MMS22L: variants seen among roughly 807,000 people sequenced by gnomAD.
MMS22L encodes the protein protein MMS22-like.
In MMS22L, 74 loss-of-function variants were observed where a neutral mutation model predicts 159.1. That is an observed-to-expected ratio of 0.47 (90% confidence interval 0.39 to 0.56). The LOEUF (loss-of-function observed/expected upper bound fraction) is 0.56. Among genes scored for constraint, MMS22L ranks in the 20% least tolerant of loss-of-function variants. The pLI is 0.00. For missense variants in MMS22L, 1,351 were observed against 1,422.1 expected, an observed-to-expected ratio of 0.95 and a Z score of 0.80; for synonymous variants, 517 against 506.9, an observed-to-expected ratio of 1.02 and a Z score of -0.27.
intron 14 of MMS22L, among the ~76,000 whole-genome samples, chr6:97,219,263 T>C (rs1163119016): frequency 6.6e-6 from 1 of 152,162 alleles, no homozygotes; most frequent in Non-Finnish European, 1.5e-5. Context: ...ATGAAGCTTC[T>C]TGACATGAAT....
chr6:97,257,677 T>C (rs1010479548), intron 9 of MMS22L, among the ~76,000 whole-genome samples: 3 of 152,122 alleles, frequency 2.0e-5, no homozygotes, highest in African/African-American at 7.2e-5. Context: ...TCCTCTCACC[T>C]AGGACTCCCA....
At position 97,186,542 on chromosome 6, in the gene MMS22L, T is replaced by A. The variant is rs1805251368; in HGVS notation, c.2188A>T (p.Met730Leu). The A allele has an allele frequency of 6.2e-7, 1 of 1,613,126 alleles. No individual in the cohort carries two copies. Among genetic ancestry groups the A allele is most frequent in the Non-Finnish European group, 8.5e-7 (1 of 1,179,654 alleles). Residue 730 changes from methionine (M) to leucine (L), a missense_variant, in exon 15 of 25, where the codon ATG (methionine) becomes TTG (leucine). Met to Leu is a conservative substitution (Grantham distance 15). Coordinates refer to ENST00000683635, the MANE Select transcript of MMS22L (RefSeq NM_001350599.2). ...TGTGAGAAAGGCACTACCTGTGACA[T>A]TCTCTGACTCTTCAAAAATGAAAAG... ...HFFSFLKSQR[M>L]SQVVPFSQLA...
intron 1 of MMS22L, among the ~76,000 whole-genome samples, 200 bp from the exon 2 acceptor site, chr6:97,282,753 C>A (rs1157034892): frequency 2.0e-5 from 3 of 152,186 alleles, no homozygotes; most frequent in Non-Finnish European, 4.4e-5. Flanking sequence ...ACCTCGAAAT[C>A]CGGCCACTAA....
intron 10 of MMS22L, 58 bp from the exon 11 acceptor site, chr6:97,246,748 A>G (rs1812687779): frequency 8.2e-7 from 1 of 1,223,784 alleles, no homozygotes; most frequent in Non-Finnish European, 1.2e-6. Flanking sequence ...CCTATATTTA[A>G]AATTAGGGTA....
intron 4 of MMS22L, among the ~76,000 whole-genome samples, chr6:97,278,595 T>C (rs1341500839): frequency 1.3e-5 from 2 of 152,166 alleles, no homozygotes; most frequent in Non-Finnish European, 2.9e-5. Flanking sequence ...CCAAAACAAG[T>C]ACTAATTCTC....
At chr6:97,165,602 A>T (rs1802887327) in intron 20 of MMS22L, 145 bp from the exon 21 acceptor site, 1 of 700,646 alleles carries the variant, frequency 1.4e-6, no homozygotes, top group East Asian at 2.7e-5. Context: ...ATCCACAGAT[A>T]ATGTACATAC....
At chr6:97,174,757 C>A (rs1803959428) in intron 18 of MMS22L, among the ~76,000 whole-genome samples, 1 of 152,124 alleles carries the variant, frequency 6.6e-6, no homozygotes, top group South Asian at 2.1e-4. Context: ...AAGACTACTT[C>A]TTTCACTGAA....
Position 97,235,090 on chromosome 6 carries a change from T to C in MMS22L, c.1183-1110A>G, listed in dbSNP as rs775697779. Among the ~76,000 whole-genome samples, 16 of 152,284 alleles carry C rather than the reference T, an allele frequency of 1.1e-4. No individual in the cohort carries two copies. The East Asian group carries it at 1.7e-3, about 17-fold the overall frequency. On this transcript the variant is annotated intron_variant, in intron 11 of 24. Coordinates refer to ENST00000683635, the MANE Select transcript of MMS22L (RefSeq NM_001350599.2). ...GTTTCAAAAACACTGCTCTGGATTA[T>C]ACATAAAGAGTGAATAGAGGGGTTA...
chr6:97,227,978 G>C (rs1810436296), intron 14 of MMS22L, among the ~76,000 whole-genome samples: 1 of 152,202 alleles, frequency 6.6e-6, no homozygotes, highest in African/African-American at 2.4e-5. Context: ...TAGGTGATTG[G>C]TGTTATTAAT....
At chr6:97,217,803 TGCTGGAGTCACTCAATAG>T (rs1358317122) in intron 14 of MMS22L, among the ~76,000 whole-genome samples, 1 of 152,214 alleles carries the variant, frequency 6.6e-6, no homozygotes, top group Non-Finnish European at 1.5e-5. Flanking sequence ...TCTTATGTTG[TGCTGGAGTCACTCAATAG>T]GCCCTTTCAT....
intron 9 of MMS22L, chr6:97,260,891 T>A (rs1274577052): frequency 6.6e-6 from 1 of 151,984 alleles, no homozygotes; most frequent in Non-Finnish European, 1.5e-5. Context: ...ATGAGTCCTT[T>A]GATTTATTCT....
intron 15 of MMS22L, among the ~76,000 whole-genome samples, chr6:97,183,468 C>A (rs969692155): frequency 6.6e-6 from 1 of 152,152 alleles, no homozygotes; most frequent in Admixed American, 6.6e-5. Flanking sequence ...TTTATGACTA[C>A]AGACTTCAAG....
intron 6 of MMS22L, chr6:97,271,030 T>G (rs577591466): frequency 2.0e-5 from 3 of 152,116 alleles, no homozygotes; most frequent in African/African-American, 7.2e-5. Flanking sequence ...AAGAAAATAT[T>G]TGCAATACAT....
At chr6:97,230,484 C>T (rs1174484148) in intron 13 of MMS22L, 1 of 151,968 alleles carries the variant, frequency 6.6e-6, no homozygotes, top group Non-Finnish European at 1.5e-5. Context: ...TTTATAAATA[C>T]TTAAAAGCTG....
At chr6:97,264,860 T>C (rs570950898) in intron 8 of MMS22L, 1 of 151,946 alleles carries the variant, frequency 6.6e-6, no homozygotes, top group Admixed American at 6.5e-5. Flanking sequence ...GCCTATACAC[T>C]GAAAAATAAA....
intron 20 of MMS22L, among the ~76,000 whole-genome samples, chr6:97,166,018 T>C (rs1366852657): frequency 6.6e-6 from 1 of 152,158 alleles, no homozygotes; most frequent in African/African-American, 2.4e-5. Context: ...TTCATTTAAA[T>C]TTCTCAAAGA....
At position 97,151,814 on chromosome 6, in the gene MMS22L, C is replaced by T. The variant is rs778643163; in HGVS notation, c.3439G>A (p.Gly1147Arg). 2 of 1,613,464 alleles carry T rather than the reference C, an allele frequency of 1.2e-6. No homozygotes were observed. Among genetic ancestry groups the T allele is most frequent in the African/African-American group, 1.3e-5 (1 of 74,868 alleles). Reference sequence around the variant, plus strand: ...TGGGAGGAAGGTTCTTCTTCTGACCCCACTTGGCAGGCTTTTACCATGTAT... The same window carrying T: ...TGGGAGGAAGGTTCTTCTTCTGACCTCACTTGGCAGGCTTTTACCATGTAT... ...LQYMVKACQV[G>R]SEEEPSSQLT... The change falls in exon 23 of 25, where the codon GGG becomes AGG. Residue 1147 changes from glycine to arginine, a missense_variant. Gly to Arg is a moderately radical substitution (Grantham distance 125). Coordinates refer to ENST00000683635, the MANE Select transcript of MMS22L (RefSeq NM_001350599.2).
rs182312390 is a variant in MMS22L at position 97,242,039 on chromosome 6, A to C, written c.1182+4589T>G. Among the ~76,000 whole-genome samples, 450 of 152,290 alleles carry C rather than the reference A, an allele frequency of 3.0e-3. 8 individuals carry two copies. The highest frequency in any genetic ancestry group is 0.026 in the Admixed American group (396 of 15,294). Reference sequence around the variant, plus strand: ...CCTATCATATGGTCTATCTTGGAGAATGTTCCATGTGCTGGTGAAGAGAAT... The same window carrying C: ...CCTATCATATGGTCTATCTTGGAGACTGTTCCATGTGCTGGTGAAGAGAAT... On this transcript the variant is annotated intron_variant, in intron 11 of 24. Transcript: ENST00000683635.
chr6:97,194,161 A>C, intron 14 of MMS22L, among the ~76,000 whole-genome samples: 1 of 151,018 alleles, frequency 6.6e-6, no homozygotes, highest in East Asian at 2.0e-4. Context: ...GGGTTCAAGC[A>C]ATTCTCCTGC....
Sources: allele counts gnomAD v4.1 joint callset (sites outside exome capture counted in the v4.1 genomes callset), GRCh38; gene constraint gnomAD v4.1.1; transcripts MANE v1.5; gene names NCBI Gene and HGNC (gene_info 2026-07-23, HGNC 2026-07-21).